Variants in PTPRG observed in about 807,000 individuals in gnomAD.
PTPRG encodes the protein receptor-type tyrosine-protein phosphatase gamma.
Under a neutral mutation model 165.3 loss-of-function variants are expected in PTPRG, and 102 were observed. The ratio of observed to expected loss-of-function variants is 0.62; its 90% confidence interval spans 0.53 to 0.73. The LOEUF is 0.73. Among genes scored for constraint, PTPRG ranks in the 30% least tolerant of loss-of-function variants. The probability of loss-of-function intolerance (pLI) is 0.00; values close to 1 mark genes in which losing one functional copy is unlikely to be tolerated. For synonymous variants in PTPRG, 675 were observed against 669.5 expected, an observed-to-expected ratio of 1.01 and a Z score of -0.13; for missense variants, 1,866 against 1,861.4, an observed-to-expected ratio of 1.00 and a Z score of -0.05.
intron 1 of PTPRG, among the ~76,000 whole-genome samples, chr3:61,576,416 G>A (rs996333818): frequency 1.3e-5 from 2 of 152,214 alleles, no homozygotes; most frequent in African/African-American, 4.8e-5. Flanking sequence ...TTCAGTGAAA[G>A]TGAACAGCAT....
intron 2 of PTPRG, among the ~76,000 whole-genome samples, chr3:61,891,736 T>C (rs1476013652): frequency 6.6e-6 from 1 of 152,228 alleles, no homozygotes. Context: ...TGTAAGCCAT[T>C]ATACACAAAG....
chr3:61,724,988 A>G (rs997289025), intron 1 of PTPRG, among the ~76,000 whole-genome samples: 3 of 152,140 alleles, frequency 2.0e-5, no homozygotes, highest in African/African-American at 7.2e-5. Flanking sequence ...AATGAAATCG[A>G]ATTGATTGAT....
At chr3:61,865,609 C>G (rs1015905291) in intron 2 of PTPRG, among the ~76,000 whole-genome samples, 4 of 152,204 alleles carry the variant, frequency 2.6e-5, no homozygotes, top group Admixed American at 1.3e-4. Flanking sequence ...TGAAATCATT[C>G]TTTCTTGGCC....
chr3:62,275,007 A>T (rs1702187132), intron 23 of PTPRG, among the ~76,000 whole-genome samples: 1 of 152,180 alleles, frequency 6.6e-6, no homozygotes, highest in Non-Finnish European at 1.5e-5. Context: ...GATGAAGAAA[A>T]AAACAAGAAT....
chr3:61,837,745 G>C (rs1319966621), intron 2 of PTPRG, among the ~76,000 whole-genome samples: 1 of 152,210 alleles, frequency 6.6e-6, no homozygotes, highest in South Asian at 2.1e-4. Context: ...GAAACCAGAT[G>C]TATTAGTCCA....
chr3:61,826,202 G>A (rs1036031105), intron 2 of PTPRG, among the ~76,000 whole-genome samples: 2 of 152,060 alleles, frequency 1.3e-5, no homozygotes, highest in Non-Finnish European at 2.9e-5. Flanking sequence ...TGTTTCTCTC[G>A]TGGAAATTTG....
At chr3:61,729,064 A>AC (rs74279849) in intron 1 of PTPRG, among the ~76,000 whole-genome samples, 42,765 of 151,576 alleles carry the variant, frequency 0.28, 6,830 homozygotes, top group East Asian at 0.74. Flanking sequence ...CCTGTCTCAA[A>AC]AAAACAAACA....
chr3:61,611,346 C>T (rs908975334), intron 1 of PTPRG, among the ~76,000 whole-genome samples: 1 of 151,996 alleles, frequency 6.6e-6, no homozygotes, highest in Admixed American at 6.6e-5. Flanking sequence ...GAAAGATGTA[C>T]ACAAAGTGAC....
At chr3:61,593,396 AT>A (rs1700621816) in intron 1 of PTPRG, among the ~76,000 whole-genome samples, 1 of 53,212 alleles carries the variant, frequency 1.9e-5, no homozygotes. Context: ...AAAATAATGA[AT>A]TGGAAAAAAA....
intron 2 of PTPRG, among the ~76,000 whole-genome samples, chr3:61,923,162 G>A (rs1016836264): frequency 6.6e-6 from 1 of 152,128 alleles, no homozygotes; most frequent in Non-Finnish European, 1.5e-5. Context: ...TGACATACCA[G>A]CTCTGACTTT....
chr3:62,232,487 C>T (rs758723954), intron 14 of PTPRG, among the ~76,000 whole-genome samples: 9 of 152,196 alleles, frequency 5.9e-5, no homozygotes, highest in Admixed American at 1.3e-4. Flanking sequence ...AGACGTTGGA[C>T]ATCACTTAAA....
intron 1 of PTPRG, among the ~76,000 whole-genome samples, chr3:61,675,600 C>T (rs1275775925): frequency 3.3e-5 from 5 of 152,086 alleles, no homozygotes; most frequent in African/African-American, 1.2e-4. Flanking sequence ...CAGGATTATG[C>T]TTCCTAGGCA....
intron 8 of PTPRG, 144 bp from the exon 9 acceptor site, chr3:62,191,325 C>T (rs1248573155): frequency 1.5e-6 from 1 of 645,542 alleles, no homozygotes. Context: ...TCTACACACA[C>T]AATGTTAAGA....
chr3:61,912,742 G>C (rs1295996989), intron 2 of PTPRG, among the ~76,000 whole-genome samples: 1 of 152,154 alleles, frequency 6.6e-6, no homozygotes, highest in Non-Finnish European at 1.5e-5. Flanking sequence ...CATGCAGTTA[G>C]GAGTTTCTTG....
chr3:61,937,543 C>A (rs895294515), intron 2 of PTPRG, among the ~76,000 whole-genome samples: 2 of 152,286 alleles, frequency 1.3e-5, no homozygotes, highest in East Asian at 3.9e-4. Flanking sequence ...TTATTTAGAA[C>A]AAATGCTTAA....
intron 1 of PTPRG, among the ~76,000 whole-genome samples, chr3:61,645,943 A>C (rs754143389): frequency 1.3e-5 from 2 of 152,158 alleles, no homozygotes; most frequent in Non-Finnish European, 2.9e-5. Flanking sequence ...CCTTGCCACT[A>C]GGGTATTCAT....
intron 2 of PTPRG, among the ~76,000 whole-genome samples, chr3:61,786,269 A>G (rs2034698951): frequency 6.6e-6 from 1 of 152,200 alleles, no homozygotes; most frequent in Non-Finnish European, 1.5e-5. Flanking sequence ...TAAAAAATTC[A>G]TTTTATTCTT....
chr3:61,803,611 C>A (rs886531245), intron 2 of PTPRG, among the ~76,000 whole-genome samples: 1 of 148,938 alleles, frequency 6.7e-6, no homozygotes, highest in Non-Finnish European at 1.5e-5. Context: ...ATTTTTTCCC[C>A]CAAAGGATTT....
At chr3:61,891,714 G>T (rs1193752786) in intron 2 of PTPRG, among the ~76,000 whole-genome samples, 1 of 152,152 alleles carries the variant, frequency 6.6e-6, no homozygotes, top group Non-Finnish European at 1.5e-5. Context: ...TCTAAAGAGA[G>T]GCAAAGTGTT....
Sources: allele counts gnomAD v4.1 joint callset (sites outside exome capture counted in the v4.1 genomes callset), GRCh38; gene constraint gnomAD v4.1.1; transcripts MANE v1.5; gene names NCBI Gene and HGNC (gene_info 2026-07-23, HGNC 2026-07-21).